LRRC4C: variants seen among roughly 807,000 people sequenced by gnomAD.
LRRC4C encodes leucine-rich repeat-containing protein 4C.
In LRRC4C, 5 loss-of-function variants were observed where a neutral mutation model predicts 33.6. The ratio of observed to expected loss-of-function variants is 0.15; its 90% CI spans 0.08 to 0.31. The LOEUF (loss-of-function observed/expected upper bound fraction) is 0.31, where lower values mean the gene tolerates loss of function less well. LRRC4C is among the 10% of genes least tolerant of loss of function. LRRC4C has a pLI of 1.00. For missense variants in LRRC4C, 560 were observed against 796.7 expected (o/e 0.70, Z 3.58); for synonymous variants, 329 against 302.0 (o/e 1.09, Z -0.93).
chr11:40,316,938 G>T (rs938802137), intron 4 of LRRC4C, among the ~76,000 whole-genome samples: 4 of 6,194 alleles, frequency 6.5e-4, no homozygotes, highest in African/African-American at 7.1e-4. Flanking sequence ...TCCCTAATAT[G>T]CTAAAAAAGA....
chr11:40,205,654 C>T (rs11035737), intron 5 of LRRC4C, among the ~76,000 whole-genome samples: 38,897 of 152,002 alleles, frequency 0.26, 5,718 homozygotes, highest in South Asian at 0.42. Flanking sequence ...AGACATTCTC[C>T]TATTTTGAAT....
intron 1 of LRRC4C, among the ~76,000 whole-genome samples, chr11:41,192,986 G>T (rs1015757325): frequency 2.0e-5 from 3 of 152,010 alleles, no homozygotes; most frequent in African/African-American, 7.2e-5. Flanking sequence ...GGAAAAAAAT[G>T]CCACAAAGAA....
chr11:41,267,144 TATAAG>T (rs372793686), intron 1 of LRRC4C, among the ~76,000 whole-genome samples: 59 of 152,224 alleles, frequency 3.9e-4, no homozygotes, highest in Middle Eastern at 3.4e-3. Flanking sequence ...TGAGAAGTAT[TATAAG>T]ATAAGTGAAA....
intron 3 of LRRC4C, among the ~76,000 whole-genome samples, chr11:40,508,938 C>CT (rs1955170738): frequency 6.7e-6 from 1 of 149,804 alleles, no homozygotes; most frequent in Non-Finnish European, 1.5e-5. Context: ...ATTGACAAAG[C>CT]TTTAAAAAAA....
At chr11:40,346,968 T>G (rs1220657704) in intron 3 of LRRC4C, among the ~76,000 whole-genome samples, 1 of 152,208 alleles carries the variant, frequency 6.6e-6, no homozygotes, top group Non-Finnish European at 1.5e-5. Flanking sequence ...ATCTGCAGAA[T>G]GGTAAATGAG....
chr11:41,232,405 T>G (rs1329281185), intron 1 of LRRC4C, among the ~76,000 whole-genome samples: 2 of 152,106 alleles, frequency 1.3e-5, no homozygotes, highest in African/African-American at 4.8e-5. Flanking sequence ...TGGCACTTGT[T>G]TCCCATCAGA....
At chr11:40,635,881 C>T (rs1372232725) in intron 3 of LRRC4C, among the ~76,000 whole-genome samples, 4 of 151,860 alleles carry the variant, frequency 2.6e-5, no homozygotes, top group African/African-American at 9.7e-5. Context: ...CCTTGTGATC[C>T]GCCTGCCTCG....
chr11:40,606,363 C>T (rs534083888), intron 3 of LRRC4C, among the ~76,000 whole-genome samples: 24 of 152,254 alleles, frequency 1.6e-4, no homozygotes, highest in South Asian at 6.2e-4. Flanking sequence ...AGTTAAGACA[C>T]AACACATCCA....
intron 2 of LRRC4C, among the ~76,000 whole-genome samples, chr11:40,696,270 C>A (rs999805072): frequency 1.5e-4 from 15 of 100,232 alleles, no homozygotes; most frequent in Non-Finnish European, 7.5e-5. Context: ...ATCTTCCCTA[C>A]CACAATGCCA....
At chr11:40,775,640 T>C (rs1448432632) in intron 2 of LRRC4C, among the ~76,000 whole-genome samples, 2 of 152,216 alleles carry the variant, frequency 1.3e-5, no homozygotes, top group African/African-American at 4.8e-5. Flanking sequence ...ATACTAAACT[T>C]ACTGAAGTTG....
rs114796011 is a variant in LRRC4C, at chr11:40,617,536, A to T, written c.-270+30606T>A. Reference sequence around the variant, plus strand: ...TCCCTTACTTCAAATTGCAATTCTTATAATTGCATTCTTTCTTATTATCCC... The same window carrying T: ...TCCCTTACTTCAAATTGCAATTCTTTTAATTGCATTCTTTCTTATTATCCC... On this transcript the variant is annotated intron_variant, in intron 3 of 6. Coordinates refer to ENST00000528697, the MANE Select transcript of LRRC4C (RefSeq NM_001258419.2). Among the ~76,000 whole-genome samples the T allele has an allele frequency of 6.1e-3, 931 of 151,834 alleles. 15 individuals carry two copies. The highest frequency in any genetic ancestry group is 0.022 in the African/African-American group (905 of 41,512).
intron 1 of LRRC4C, among the ~76,000 whole-genome samples, chr11:41,043,068 C>CTTTTTTTT (rs67605827): frequency 1.3e-4 from 10 of 75,794 alleles, no homozygotes; most frequent in African/African-American, 2.0e-4. Context: ...CAGAATAGAC[C>CTTTTTTTT]TTTTTTTTTT....
chr11:40,677,370 A>G (rs1944457695), intron 2 of LRRC4C, among the ~76,000 whole-genome samples: 1 of 152,182 alleles, frequency 6.6e-6, no homozygotes, highest in Admixed American at 6.5e-5. Context: ...TGGGTGGCAG[A>G]GCAAGACTCT....
At chr11:40,907,551 T>C (rs1456266512) in intron 2 of LRRC4C, among the ~76,000 whole-genome samples, 1 of 152,186 alleles carries the variant, frequency 6.6e-6, no homozygotes, top group East Asian at 1.9e-4. Context: ...TTGCAGAGTA[T>C]AAAAACTGCA....
At chr11:40,271,244 A>G (rs1351735383) in intron 4 of LRRC4C, among the ~76,000 whole-genome samples, 2 of 152,106 alleles carry the variant, frequency 1.3e-5, no homozygotes, top group Admixed American at 1.3e-4. Context: ...AGCCCCTCCT[A>G]AATGAAAAGT....
intron 1 of LRRC4C, among the ~76,000 whole-genome samples, chr11:41,430,922 T>C (rs1242228442): frequency 6.6e-6 from 1 of 152,086 alleles, no homozygotes; most frequent in Non-Finnish European, 1.5e-5. Flanking sequence ...TACATTCTGA[T>C]AGATAAAGTA....
chr11:41,148,019 A>AT (rs1238261980), intron 1 of LRRC4C, among the ~76,000 whole-genome samples: 2 of 151,580 alleles, frequency 1.3e-5, no homozygotes, highest in Admixed American at 6.6e-5. Context: ...GCATGAGAAT[A>AT]TTTTTTTTCT....
intron 1 of LRRC4C, among the ~76,000 whole-genome samples, chr11:41,105,944 A>G (rs574456976): frequency 6.6e-6 from 1 of 152,268 alleles, no homozygotes; most frequent in Non-Finnish European, 1.5e-5. Flanking sequence ...CAAGTACTGA[A>G]TAAAAGAATC....
chr11:40,160,208 TG>T (rs1859044326), intron 5 of LRRC4C, among the ~76,000 whole-genome samples: 1 of 152,000 alleles, frequency 6.6e-6, no homozygotes, highest in African/African-American at 2.4e-5. Context: ...AGTTTTACTA[TG>T]AGTCCCACTT....
Sources: allele counts gnomAD v4.1 joint callset (sites outside exome capture counted in the v4.1 genomes callset), GRCh38; gene constraint gnomAD v4.1.1; transcripts MANE v1.5; gene names NCBI Gene and HGNC (gene_info 2026-07-23, HGNC 2026-07-21).